The following DEGS2 variants were observed in gnomAD, a reference collection of about 807,000 sequenced individuals.
DEGS2 encodes the protein delta 4-desaturase, sphingolipid 2.
DEGS2 carries 19 observed loss-of-function variants against 23.8 expected under a neutral mutation model. The observed-to-expected ratio is 0.80, with a 90% CI of 0.56 to 1.17. The LOEUF is 1.17. DEGS2 is among the 50% of genes most tolerant of loss of function. DEGS2 has a pLI of 0.00. For missense variants in DEGS2, 390 were observed against 459.5 expected (o/e 0.85, Z 1.38); for synonymous variants, 218 against 213.7 (o/e 1.02, Z -0.18).
intron 1 of DEGS2, among the ~76,000 whole-genome samples, chr14:100,157,298 T>C (rs756913133): frequency 2.0e-5 from 3 of 152,246 alleles, no homozygotes; most frequent in Non-Finnish European, 4.4e-5. Flanking sequence ...TATGAGCTCC[T>C]AGGGACCAGG....
intron 2 of DEGS2, 150 bp downstream of exon 2, chr14:100,148,818 G>A: frequency 1.1e-6 from 1 of 928,414 alleles, no homozygotes; most frequent in South Asian, 1.7e-5. Context: ...CTTTCCTCCT[G>A]CCCTGGGGAC....
chr14:100,162,201 T>C (rs1254874529), upstream of DEGS2, among the ~76,000 whole-genome samples: 1 of 150,592 alleles, frequency 6.6e-6, no homozygotes, highest in Non-Finnish European at 1.5e-5. Flanking sequence ...CAAAAAAAAT[T>C]AGCTGGGCAT....
chr14:100,150,272 G>C (rs952834281), intron 1 of DEGS2, among the ~76,000 whole-genome samples: 12 of 152,158 alleles, frequency 7.9e-5, no homozygotes, highest in African/African-American at 2.9e-4. Context: ...TGAGACCGCA[G>C]GTCCGAAGGC....
chr14:100,156,518 T>C (rs1889660764), intron 1 of DEGS2, among the ~76,000 whole-genome samples: 1 of 152,252 alleles, frequency 6.6e-6, no homozygotes, highest in South Asian at 2.1e-4. Flanking sequence ...GTATGATTTA[T>C]TAACCCCTTT....
At chr14:100,159,410 G>A (rs1323463015) in intron 1 of DEGS2, 96 bp downstream of exon 1, 2 of 1,017,690 alleles carry the variant, frequency 2.0e-6, no homozygotes, top group East Asian at 3.2e-5. Context: ...ATTTGGGCCA[G>A]AGCTGGAGCG....
In DEGS2 at chr14:100,157,926, A is replaced by T. The variant is rs555027212; in HGVS notation, c.82+1580T>A. Reference sequence around the variant, plus strand: ...AACATGGTGAAACCCCATCTCTACTACAAATACAAAATTAGCCGGGTGTGG... The same window carrying T: ...AACATGGTGAAACCCCATCTCTACTTCAAATACAAAATTAGCCGGGTGTGG... On this transcript the variant is annotated intron_variant, in intron 1 of 2. Coordinates refer to ENST00000305631, the MANE Select transcript of DEGS2 (RefSeq NM_206918.3). Among the ~76,000 whole-genome samples, 506 of 151,966 alleles carry T rather than the reference A, an allele frequency of 3.3e-3. 3 individuals carry two copies. The highest frequency in any genetic ancestry group is 0.012 in the African/African-American group (495 of 41,438).
At chr14:100,165,945 G>A in the DEGS2 span, among the ~76,000 whole-genome samples, 1 of 118,572 alleles carries the variant, frequency 8.4e-6, no homozygotes, top group Non-Finnish European at 1.8e-5. Context: ...GAGAGTCAGG[G>A]GAGCCTGCCT....
upstream of DEGS2, among the ~76,000 whole-genome samples, chr14:100,160,685 G>A (rs527624495): frequency 1.3e-5 from 2 of 152,364 alleles, no homozygotes; most frequent in Admixed American, 6.5e-5. Context: ...CGCACATAGT[G>A]AGGGCGTGCT....
upstream of DEGS2, among the ~76,000 whole-genome samples, chr14:100,161,255 G>A (rs1889742980): frequency 6.6e-6 from 1 of 152,182 alleles, no homozygotes; most frequent in African/African-American, 2.4e-5. Flanking sequence ...AGTTCCCTCT[G>A]CCCCAGGCCA....
At chr14:100,160,688 G>C (rs144371618), upstream of DEGS2, among the ~76,000 whole-genome samples, 56 of 152,350 alleles carry the variant, frequency 3.7e-4, no homozygotes, top group East Asian at 9.6e-3. Flanking sequence ...ACATAGTGAG[G>C]GCGTGCTTCT....
At chr14:100,163,179 C>T (rs1211075350), upstream of DEGS2, among the ~76,000 whole-genome samples, 6 of 152,044 alleles carry the variant, frequency 3.9e-5, no homozygotes, top group Admixed American at 1.3e-4. Flanking sequence ...AGGTGGCTCA[C>T]GCCTGTAATC....
intron 1 of DEGS2, among the ~76,000 whole-genome samples, chr14:100,158,438 T>C (rs1315514310): frequency 6.6e-6 from 1 of 151,992 alleles, no homozygotes; most frequent in Non-Finnish European, 1.5e-5. Flanking sequence ...GGCAGGTGCC[T>C]GTAATCCCAG....
At chr14:100,151,733 G>C (rs1328242589) in intron 1 of DEGS2, among the ~76,000 whole-genome samples, 2 of 152,208 alleles carry the variant, frequency 1.3e-5, no homozygotes, top group Non-Finnish European at 2.9e-5. Flanking sequence ...TGGGCAGAAA[G>C]GCCTCACTGA....
chr14:100,158,686 A>AGGGCGGGAG (rs1889699308), intron 1 of DEGS2, among the ~76,000 whole-genome samples: 1 of 99,828 alleles, frequency 1.0e-5, no homozygotes, highest in South Asian at 3.3e-4. Flanking sequence ...TGACTTAGGC[A>AGGGCGGGAG]GGGCGGGAGG....
At chr14:100,160,863 GC>G (rs766376694), upstream of DEGS2, among the ~76,000 whole-genome samples, 2 of 152,194 alleles carry the variant, frequency 1.3e-5, no homozygotes, top group Non-Finnish European at 2.9e-5. Flanking sequence ...GGACACAGAG[GC>G]CAGATTTTCC....
chr14:100,166,480 G>A, the DEGS2 span, among the ~76,000 whole-genome samples: 1 of 152,060 alleles, frequency 6.6e-6, no homozygotes, highest in Non-Finnish European at 1.5e-5. Context: ...GGGGCACAAT[G>A]TTTCATAGAA....
At chr14:100,156,814 G>A (rs1471304463) in intron 1 of DEGS2, among the ~76,000 whole-genome samples, 1 of 56,440 alleles carries the variant, frequency 1.8e-5, no homozygotes, top group African/African-American at 5.1e-5. Flanking sequence ...GCAGGGAGGA[G>A]GGACATTCAC....
In DEGS2 at chr14:100,146,907, C is replaced by A; in HGVS notation, c.826G>T (p.Val276Leu). 6.2e-7 allele frequency: 1 copy of A among 1,611,858 alleles called. No individual in the cohort carries two copies. Among genetic ancestry groups the A allele is most frequent in the East Asian group, 2.2e-5 (1 of 44,862 alleles). The part of the protein sequence containing the change: ...PSIPGYNLPL[V>L]RKIAPEYYDH... ...TAGTACTCGGGCGCGATCTTCCGCACCTGTAGAGAGGAGGGCGGGGCTCAG... is the reference window on the plus strand; with the variant it reads ...TAGTACTCGGGCGCGATCTTCCGCAACTGTAGAGAGGAGGGCGGGGCTCAG... Residue 276 changes from valine (V) to leucine (L), a missense_variant and splice_region_variant, in exon 3 of 3, where the codon GTG becomes TTG. Coordinates refer to ENST00000305631, the MANE Select transcript of DEGS2 (RefSeq NM_206918.3).
At chr14:100,159,900 CGACTG>C, upstream of DEGS2, 1 of 200,840 alleles carries the variant, frequency 5.0e-6, no homozygotes, top group Non-Finnish European at 1.0e-5. Flanking sequence ...TGCGCGGGGG[CGACTG>C]CTGCCACCGC....
Sources: gnomAD v4.1 joint callset for allele counts (sites outside exome capture counted in the v4.1 genomes callset) on GRCh38, gnomAD v4.1.1 for gene constraint, MANE v1.5 for transcripts, NCBI Gene and HGNC (gene_info 2026-07-23, HGNC 2026-07-21) for gene names.